The following GSE1 variants were observed in gnomAD, a reference collection of about 807,000 sequenced individuals.
The protein encoded by GSE1 is Gse1 coiled-coil protein.
GSE1 carries 32 observed loss-of-function variants against 112.6 expected under a neutral mutation model. That is an observed-to-expected ratio of 0.28 (90% CI 0.21 to 0.38). The LOEUF is 0.38. Among genes scored for constraint, GSE1 ranks in the 10% least tolerant of loss-of-function variants. GSE1 has a pLI of 1.00. For missense variants in GSE1, 2,348 were observed against 1,699.2 expected, an observed-to-expected ratio of 1.38 and a Z score of -6.71; for synonymous variants, 1,115 against 735.6, an observed-to-expected ratio of 1.52 and a Z score of -8.35.
intron 1 of GSE1, among the ~76,000 whole-genome samples, chr16:85,196,113 G>A (rs2143501417): frequency 6.6e-6 from 1 of 152,322 alleles, no homozygotes; most frequent in South Asian, 2.1e-4. Context: ...TCTCAGGGCA[G>A]GGCAGTTTTT....
At chr16:85,386,368 C>G (rs1003142914) in intron 2 of GSE1, among the ~76,000 whole-genome samples, 6 of 152,210 alleles carry the variant, frequency 3.9e-5, no homozygotes, top group Non-Finnish European at 8.8e-5. Context: ...ATGAGTAAGT[C>G]TCTTGCCCCA....
At chr16:85,282,730 A>T (rs1257091478) in intron 1 of GSE1, among the ~76,000 whole-genome samples, 1 of 152,238 alleles carries the variant, frequency 6.6e-6, no homozygotes, top group African/African-American at 2.4e-5. Context: ...CTATACCAGG[A>T]TTTTAGTCGA....
intron 1 of GSE1, among the ~76,000 whole-genome samples, chr16:85,191,133 G>T (rs1338103116): frequency 6.6e-6 from 1 of 152,076 alleles, no homozygotes; most frequent in Non-Finnish European, 1.5e-5. Flanking sequence ...GGTGTTGTGT[G>T]CCTGTAATCC....
intron 1 of GSE1, among the ~76,000 whole-genome samples, chr16:85,209,915 A>G (rs2075196076): frequency 6.6e-6 from 1 of 152,158 alleles, no homozygotes; most frequent in African/African-American, 2.4e-5. Flanking sequence ...GAGCTTTCCT[A>G]CCTCCAGGGG....
At chr16:85,470,171 C>G (rs1023492670) in intron 2 of GSE1, among the ~76,000 whole-genome samples, 4 of 152,260 alleles carry the variant, frequency 2.6e-5, no homozygotes, top group African/African-American at 7.2e-5. Context: ...CTCGAGCCAG[C>G]TGGGCTGTTC....
At chr16:85,211,559 C>T (rs1330235931) in intron 1 of GSE1, among the ~76,000 whole-genome samples, 2 of 152,186 alleles carry the variant, frequency 1.3e-5, no homozygotes, top group East Asian at 3.9e-4. Flanking sequence ...AGCTTCTCCG[C>T]AGGGCTGAGG....
intron 2 of GSE1, among the ~76,000 whole-genome samples, chr16:85,523,391 A>G (rs1020197845): frequency 1.6e-4 from 25 of 152,174 alleles, no homozygotes; most frequent in African/African-American, 6.0e-4. Flanking sequence ...GTTAAACCCC[A>G]TCTCCATCCT....
chr16:85,188,278 G>GT (rs59542186), intron 1 of GSE1, among the ~76,000 whole-genome samples: 5 of 152,090 alleles, frequency 3.3e-5, no homozygotes, highest in South Asian at 2.1e-4. Context: ...CCGTCTGTCT[G>GT]CGGGCCCTGT....
chr16:85,427,282 T>A (rs28583681), intron 2 of GSE1, among the ~76,000 whole-genome samples: 14,353 of 152,212 alleles, frequency 0.094, 1,024 homozygotes, highest in East Asian at 0.42. Context: ...GTGAGCCACG[T>A]GCTGGCTTAG....
At position 85,675,422 on chromosome 16, in the gene GSE1, C is replaced by A. The variant is rs1392936958; in HGVS notation, c.*2883C>A. 2 of 152,230 alleles carry A rather than the reference C, an allele frequency of 1.3e-5. No individual in the cohort carries two copies. The highest frequency in any genetic ancestry group is 2.9e-5 in the Non-Finnish European group (2 of 68,048). 9.4% of individuals were successfully genotyped at this position (152,230 alleles called of 1,614,324 possible). On this transcript the variant is annotated 3_prime_UTR_variant, in exon 16 of 16. Transcript: ENST00000253458. The stretch of plus-strand genomic sequence containing the variant: ...CATGATAAAATATCATGTTCCTAAT[C>A]TGTTGTCTCAGATAAGTGACCAAGA...
chr16:85,578,340 T>A (rs1009938360), intron 1 of GSE1, among the ~76,000 whole-genome samples: 3 of 152,176 alleles, frequency 2.0e-5, no homozygotes, highest in Non-Finnish European at 2.9e-5. Flanking sequence ...AACGCCAGGC[T>A]CCAAGTGCCT....
chr16:85,664,260 G>A (rs910100504), intron 11 of GSE1, among the ~76,000 whole-genome samples: 11 of 152,218 alleles, frequency 7.2e-5, no homozygotes, highest in African/African-American at 2.4e-4. Context: ...TGCCCCTTAC[G>A]CACGCTTTCA....
intron 2 of GSE1, among the ~76,000 whole-genome samples, chr16:85,391,173 G>A (rs1471512215): frequency 6.6e-6 from 1 of 152,242 alleles, no homozygotes; most frequent in African/African-American, 2.4e-5. Flanking sequence ...CAGACCCACA[G>A]CAGCAATGAG....
intron 11 of GSE1, among the ~76,000 whole-genome samples, chr16:85,664,257 T>TA (rs2052658734): frequency 6.6e-6 from 1 of 152,224 alleles, no homozygotes; most frequent in Non-Finnish European, 1.5e-5. Context: ...CCCTGCCCCT[T>TA]ACGCACGCTT....
chr16:85,475,087 C>T lies in GSE1; in HGVS notation c.2464+117444C>T, dbSNP rs114321405. Among the ~76,000 whole-genome samples, 307 of 152,256 alleles carry T rather than the reference C, an allele frequency of 2.0e-3. 2 individuals carry two copies. Among genetic ancestry groups the T allele is most frequent in the African/African-American group, 7.1e-3 (295 of 41,556 alleles). On this transcript the variant is annotated intron_variant, in intron 2 of 2. Transcript: ENST00000637419. ...AATTGTGCCTTGTAATAACACTCCC[C>T]GATGGGTTAATTGACCCTGCTCTGA...
intron 1 of GSE1, among the ~76,000 whole-genome samples, chr16:85,202,284 G>A (rs577612379): frequency 6.1e-4 from 93 of 152,370 alleles, no homozygotes; most frequent in Non-Finnish European, 1.1e-3. Context: ...AAGGGCCTGA[G>A]TGTTAGGGTC....
intron 1 of GSE1, among the ~76,000 whole-genome samples, chr16:85,276,190 C>T (rs768414579): frequency 1.3e-5 from 2 of 152,240 alleles, no homozygotes; most frequent in Non-Finnish European, 2.9e-5. Flanking sequence ...GTTGTTTCCG[C>T]CTTGCGGCGC....
At chr16:85,371,271 C>T (rs985560645) in intron 2 of GSE1, among the ~76,000 whole-genome samples, 3 of 152,182 alleles carry the variant, frequency 2.0e-5, no homozygotes, top group Non-Finnish European at 2.9e-5. Flanking sequence ...GGAAAGTGCT[C>T]CTGCCGGGTG....
chr16:85,177,158 G>T (rs192986152), intron 1 of GSE1, among the ~76,000 whole-genome samples: 2 of 152,200 alleles, frequency 1.3e-5, no homozygotes, highest in Non-Finnish European at 2.9e-5. Context: ...TTCAAAACTC[G>T]GCCTCCCCTG....
Sources: allele counts gnomAD v4.1 joint callset (sites outside exome capture counted in the v4.1 genomes callset), GRCh38; gene constraint gnomAD v4.1.1; transcripts MANE v1.5; gene names NCBI Gene and HGNC (gene_info 2026-07-23, HGNC 2026-07-21).